The following C8orf34 variants were observed in gnomAD, a reference collection of about 807,000 sequenced individuals.
C8orf34 encodes the protein chromosome 8 open reading frame 34, also known as uncharacterized protein C8orf34.
A neutral mutation model predicts 68.3 loss-of-function variants in C8orf34; 65 were observed. The observed-to-expected ratio is 0.95, with a 90% CI of 0.78 to 1.17. The LOEUF (loss-of-function observed/expected upper bound fraction) is 1.17, where lower values mean the gene tolerates loss of function less well. Among genes scored for constraint, C8orf34 ranks in the 50% most tolerant of loss-of-function variants. C8orf34 has a pLI of 0.00. For synonymous variants in C8orf34, 244 were observed against 241.2 expected, an observed-to-expected ratio of 1.01 and a Z score of -0.11; for missense variants, 664 against 655.4, an observed-to-expected ratio of 1.01 and a Z score of -0.14.
At chr8:68,791,492 C>T (rs1261295622) in intron 12 of C8orf34, 1 of 152,336 alleles carries the variant, frequency 6.6e-6, no homozygotes, top group Non-Finnish European at 1.5e-5. Context: ...AAAATCAAAA[C>T]ACAAAACATT....
At chr8:68,781,354 T>A (rs1241111794) in intron 11 of C8orf34, among the ~76,000 whole-genome samples, 1 of 152,202 alleles carries the variant, frequency 6.6e-6, no homozygotes, top group African/African-American at 2.4e-5. Context: ...ATGTTCCATG[T>A]GATAAATATC....
At chr8:68,474,121 G>T (rs904100034) in intron 4 of C8orf34, among the ~76,000 whole-genome samples, 2 of 151,996 alleles carry the variant, frequency 1.3e-5, no homozygotes, top group East Asian at 1.9e-4. Context: ...TCACCCCTAC[G>T]CAGCTAACTC....
intron 1 of C8orf34, among the ~76,000 whole-genome samples, chr8:68,426,136 A>G (rs1224591121): frequency 2.6e-5 from 4 of 152,202 alleles, no homozygotes; most frequent in Non-Finnish European, 4.4e-5. Flanking sequence ...TCTCTTGTAT[A>G]TGCTACCAAA....
intron 1 of C8orf34, among the ~76,000 whole-genome samples, chr8:68,343,525 A>G: frequency 6.6e-6 from 1 of 152,016 alleles, no homozygotes; most frequent in Admixed American, 6.5e-5. Flanking sequence ...CCTGGACTCA[A>G]GAGATCCTCC....
At chr8:68,392,034 T>C (rs1808499555) in intron 1 of C8orf34, among the ~76,000 whole-genome samples, 1 of 152,178 alleles carries the variant, frequency 6.6e-6, no homozygotes, top group Admixed American at 6.6e-5. Context: ...TTGATGCCTT[T>C]GTTGGTAAAG....
chr8:68,388,447 A>T (rs778230017), intron 1 of C8orf34, among the ~76,000 whole-genome samples: 1 of 152,040 alleles, frequency 6.6e-6, no homozygotes, highest in Admixed American at 6.6e-5. Flanking sequence ...TCATTATGGT[A>T]TGCATTTTGA....
chr8:68,734,822 A>C, intron 10 of C8orf34, among the ~76,000 whole-genome samples: 1 of 152,296 alleles, frequency 6.6e-6, no homozygotes, highest in Admixed American at 6.5e-5. Context: ...AGTGGGATAC[A>C]TGCCACTCTG....
At chr8:68,398,742 T>G (rs1808825021) in intron 1 of C8orf34, among the ~76,000 whole-genome samples, 1 of 152,196 alleles carries the variant, frequency 6.6e-6, no homozygotes, top group South Asian at 2.1e-4. Context: ...TATAGCAGTT[T>G]GAAAAAGTTT....
chr8:68,463,905 T>C (rs199750286), intron 3 of C8orf34, among the ~76,000 whole-genome samples: 12 of 152,192 alleles, frequency 7.9e-5, no homozygotes, highest in East Asian at 1.9e-4. Context: ...CCTCTTTCAC[T>C]ACTCCTATTC....
At chr8:68,394,021 G>C (rs573995757) in intron 1 of C8orf34, among the ~76,000 whole-genome samples, 4 of 152,134 alleles carry the variant, frequency 2.6e-5, no homozygotes, top group Admixed American at 6.6e-5. Context: ...TACCTTTGGG[G>C]GCTTCGAGTG....
At chr8:68,346,511 G>A (rs1806290374) in intron 1 of C8orf34, among the ~76,000 whole-genome samples, 1 of 151,908 alleles carries the variant, frequency 6.6e-6, no homozygotes. Context: ...CCATGGGTTT[G>A]GACAAATATA....
chr8:68,805,865 C>T (rs1207375511), intron 12 of C8orf34, among the ~76,000 whole-genome samples: 1 of 152,020 alleles, frequency 6.6e-6, no homozygotes, highest in African/African-American at 2.4e-5. Flanking sequence ...ATATTACCAA[C>T]TTACTTTATA....
chr8:68,741,500 T>C (rs571402785), intron 10 of C8orf34, among the ~76,000 whole-genome samples: 4 of 152,192 alleles, frequency 2.6e-5, no homozygotes, highest in Non-Finnish European at 5.9e-5. Flanking sequence ...TATTTTTAAA[T>C]GTACAGTTAA....
chr8:68,714,361 T>G (rs187017692), intron 9 of C8orf34, among the ~76,000 whole-genome samples: 17 of 152,206 alleles, frequency 1.1e-4, no homozygotes, highest in South Asian at 1.0e-3. Flanking sequence ...ATGATATGAT[T>G]GTATACCTAG....
intron 8 of C8orf34, among the ~76,000 whole-genome samples, chr8:68,667,287 C>A (rs907047878): frequency 6.6e-6 from 1 of 152,076 alleles, no homozygotes; most frequent in Non-Finnish European, 1.5e-5. Flanking sequence ...TTTACCTTTT[C>A]TTTTTAAAAT....
At chr8:68,559,253 A>G (rs1816348250) in intron 7 of C8orf34, among the ~76,000 whole-genome samples, 1 of 152,184 alleles carries the variant, frequency 6.6e-6, no homozygotes, top group East Asian at 1.9e-4. Context: ...AGGAGCCTAA[A>G]GTAATTTCTA....
At chr8:68,626,553 G>A (rs1248970905) in intron 7 of C8orf34, among the ~76,000 whole-genome samples, 1 of 152,126 alleles carries the variant, frequency 6.6e-6, no homozygotes, top group Non-Finnish European at 1.5e-5. Flanking sequence ...GTAACCCAAT[G>A]CAGAAGCACT....
Position 68,446,473 on chromosome 8 carries a change from C to T in C8orf34, c.607+13C>T, listed in dbSNP as rs749223257. 24 of 1,606,762 alleles carry T rather than the reference C, an allele frequency of 1.5e-5. No individual in the cohort carries two copies. Among genetic ancestry groups the T allele is most frequent in the Non-Finnish European group, 2.0e-5 (24 of 1,177,606 alleles). ...GACTCCAAATCATGTAAGGAAGTCT[C>T]TTATTCAAATGCTATTCAAAGCATG... On this transcript the variant is annotated intron_variant, in intron 3 of 13. Transcript: ENST00000518698.
chr8:68,622,625 T>A (rs1007957265), intron 7 of C8orf34, among the ~76,000 whole-genome samples: 2 of 152,184 alleles, frequency 1.3e-5, no homozygotes, highest in African/African-American at 2.4e-5. Context: ...ATAAAGAAGA[T>A]AAATATCAAG....
Sources: gnomAD v4.1 joint callset for allele counts (sites outside exome capture counted in the v4.1 genomes callset) on GRCh38, gnomAD v4.1.1 for gene constraint, MANE v1.5 for transcripts, NCBI Gene and HGNC (gene_info 2026-07-23, HGNC 2026-07-21) for gene names.